TXNDC5: variants seen among roughly 807,000 people sequenced by gnomAD.
TXNDC5 encodes the protein thioredoxin domain-containing protein 5.
In TXNDC5, 44 loss-of-function variants were observed where a neutral mutation model predicts 52.6. That is an observed-to-expected ratio of 0.84 (90% CI 0.66 to 1.08). TXNDC5 has a LOEUF of 1.08. Among genes scored for constraint, TXNDC5 ranks in the 50% least tolerant of loss-of-function variants. The probability of loss-of-function intolerance (pLI) is 0.00; values close to 1 mark genes in which losing one functional copy is unlikely to be tolerated. For missense variants in TXNDC5, 600 were observed against 565.5 expected (o/e 1.06, Z -0.62); for synonymous variants, 241 against 234.4 (o/e 1.03, Z -0.26).
Position 7,883,297 on chromosome 6 carries a change from C to G in TXNDC5, c.1177-31G>C, listed in dbSNP as rs576767491. ...AACAAAAAAGAAAAAAGTTTGCAAA[C>G]CAGCGGTCCAGATCACATGCAAATT... On this transcript the variant is annotated intron_variant, in intron 9 of 9. Coordinates refer to ENST00000379757, the MANE Select transcript of TXNDC5 (RefSeq NM_030810.5). 5.6e-6 allele frequency: 9 copies of G among 1,613,546 alleles called. No individual in the cohort carries two copies. The African/African-American group carries it at 1.1e-4, about 19-fold the overall frequency.
intron 3 of TXNDC5, among the ~76,000 whole-genome samples, chr6:7,896,851 C>T (rs1022461030): frequency 6.6e-6 from 1 of 152,200 alleles, no homozygotes; most frequent in South Asian, 2.1e-4. Flanking sequence ...CAGTGCATCC[C>T]AGAAACAGGT....
At chr6:7,892,945 A>AAG (rs1561809716) in intron 4 of TXNDC5, among the ~76,000 whole-genome samples, 1 of 152,232 alleles carries the variant, frequency 6.6e-6, no homozygotes, top group African/African-American at 2.4e-5. Context: ...GGGACACGGG[A>AAG]AGCTGGCAGT....
At chr6:7,885,760 C>T (rs982972578) in intron 8 of TXNDC5, among the ~76,000 whole-genome samples, 1 of 152,158 alleles carries the variant, frequency 6.6e-6, no homozygotes, top group African/African-American at 2.4e-5. Context: ...GCCTCATTCT[C>T]CATATATAAT....
intron 6 of TXNDC5, 107 bp downstream of exon 6, chr6:7,889,388 C>A: frequency 2.2e-6 from 2 of 909,252 alleles, no homozygotes; most frequent in East Asian, 2.5e-5. Flanking sequence ...AACCAGTGCC[C>A]TAACAATCAA....
chr6:7,883,625 G>T (rs1581303744), intron 9 of TXNDC5, among the ~76,000 whole-genome samples: 1 of 152,192 alleles, frequency 6.6e-6, no homozygotes, highest in South Asian at 2.1e-4. Context: ...TGACCTCCCT[G>T]GCGATGCCCT....
intron 7 of TXNDC5, among the ~76,000 whole-genome samples, chr6:7,887,153 C>G (rs1022106327): frequency 3.3e-5 from 5 of 152,092 alleles, no homozygotes; most frequent in Non-Finnish European, 5.9e-5. Context: ...AAGAGCCCAA[C>G]TAGGGACAGG....
intron 1 of TXNDC5, among the ~76,000 whole-genome samples, chr6:7,906,556 A>AAAAAAAAAAC (rs1760742053): frequency 7.0e-6 from 1 of 142,516 alleles, no homozygotes; most frequent in Non-Finnish European, 1.5e-5. Context: ...AAAAAAAAAA[A>AAAAAAAAAAC]AGAAAAACAG....
chr6:7,887,120 C>T (rs1278276103), intron 7 of TXNDC5, among the ~76,000 whole-genome samples: 1 of 152,036 alleles, frequency 6.6e-6, no homozygotes, highest in Non-Finnish European at 1.5e-5. Context: ...TTTTAAACAA[C>T]ACTCAGGCCA....
At chr6:7,893,731 G>A (rs1426660376) in intron 4 of TXNDC5, among the ~76,000 whole-genome samples, 6 of 152,338 alleles carry the variant, frequency 3.9e-5, no homozygotes, top group African/African-American at 7.2e-5. Context: ...AAGGCCTCAC[G>A]ATAAGTTACT....
At chr6:7,909,345 C>T (rs750296839) in intron 1 of TXNDC5, among the ~76,000 whole-genome samples, 4 of 152,124 alleles carry the variant, frequency 2.6e-5, no homozygotes, top group Admixed American at 6.5e-5. Context: ...TCTCAAAGGT[C>T]TTGTGTCCTA....
chr6:7,901,510 G>C (rs1028065516), intron 2 of TXNDC5, among the ~76,000 whole-genome samples: 1 of 152,172 alleles, frequency 6.6e-6, no homozygotes, highest in African/African-American at 2.4e-5. Flanking sequence ...TCTTCTTGTT[G>C]TTGGACTGAT....
At chr6:7,906,185 G>A (rs964420973) in intron 1 of TXNDC5, among the ~76,000 whole-genome samples, 6 of 151,838 alleles carry the variant, frequency 4.0e-5, no homozygotes, top group South Asian at 2.1e-4. Flanking sequence ...AGGCTGCAGC[G>A]AGCTATGATC....
rs538472075 is a variant in TXNDC5 at position 7,903,420 on chromosome 6, A to G, written c.413+1154T>C. Among the ~76,000 whole-genome samples, 13 of 152,332 alleles carry G rather than the reference A, an allele frequency of 8.5e-5. No individual in the cohort carries two copies. The East Asian group carries it at 2.1e-3, about 25-fold the overall frequency. On this transcript the variant is annotated intron_variant, in intron 2 of 9. Transcript: ENST00000379757. Reference sequence around the variant, plus strand: ...CGCCCACATTTCCAAATGGTAGGGAAAACCCTAACATGTATTGGGTGTGCT... The same window carrying G: ...CGCCCACATTTCCAAATGGTAGGGAGAACCCTAACATGTATTGGGTGTGCT...
At chr6:7,890,075 G>A (rs1581312937) in intron 5 of TXNDC5, among the ~76,000 whole-genome samples, 1 of 152,246 alleles carries the variant, frequency 6.6e-6, no homozygotes, top group Non-Finnish European at 1.5e-5. Context: ...ATATAATAAA[G>A]GTAAGACTGC....
intron 1 of TXNDC5, among the ~76,000 whole-genome samples, chr6:7,908,177 G>A (rs940427954): frequency 2.6e-5 from 4 of 151,120 alleles, no homozygotes; most frequent in Admixed American, 2.0e-4. Context: ...CAGCTTCTCA[G>A]GAGGCTGAGG....
At chr6:7,893,560 C>T (rs1408148997) in intron 4 of TXNDC5, among the ~76,000 whole-genome samples, 4 of 152,190 alleles carry the variant, frequency 2.6e-5, no homozygotes, top group Admixed American at 6.5e-5. Flanking sequence ...TCTGTCCTGC[C>T]GGAGTCGGTC....
intron 7 of TXNDC5, among the ~76,000 whole-genome samples, chr6:7,887,977 C>T: frequency 6.6e-6 from 1 of 152,220 alleles, no homozygotes; most frequent in East Asian, 1.9e-4. Context: ...TTCTCTCTAG[C>T]AGCCAAGCCC....
At chr6:7,883,311 C>T (rs773609346) in intron 9 of TXNDC5, 45 bp from the exon 10 acceptor site, 52 of 1,612,078 alleles carry the variant, frequency 3.2e-5, no homozygotes, top group Non-Finnish European at 4.2e-5. Context: ...CGGTCCAGAT[C>T]ACATGCAAAT....
chr6:7,909,696 G>A, intron 1 of TXNDC5: 3 of 862,468 alleles, frequency 3.5e-6, no homozygotes, highest in Non-Finnish European at 4.2e-6. Context: ...CTGCAGGGGG[G>A]CGGAGGGGTT....
Sources: allele counts gnomAD v4.1 joint callset (sites outside exome capture counted in the v4.1 genomes callset), GRCh38; gene constraint gnomAD v4.1.1; transcripts MANE v1.5; gene names NCBI Gene and HGNC (gene_info 2026-07-23, HGNC 2026-07-21).